The following FRMD4B variants were observed in gnomAD, a reference collection of about 807,000 sequenced individuals.
FRMD4B encodes FERM domain-containing protein 4B.
A neutral mutation model predicts 141.5 loss-of-function variants in FRMD4B; 74 were observed. The observed-to-expected ratio is 0.52, with a 90% CI of 0.43 to 0.63. The LOEUF (loss-of-function observed/expected upper bound fraction) is 0.63. FRMD4B is among the 30% of genes least tolerant of loss of function. The pLI, the probability that FRMD4B is intolerant of heterozygous loss-of-function variation, is 0.00. For synonymous variants in FRMD4B, 506 were observed against 467.9 expected (o/e 1.08, Z -1.05); for missense variants, 1,366 against 1,253.4 (o/e 1.09, Z -1.36).
intron 1 of FRMD4B, among the ~76,000 whole-genome samples, chr3:69,481,140 A>G (rs1428924648): frequency 1.3e-5 from 2 of 151,972 alleles, no homozygotes; most frequent in African/African-American, 4.8e-5. Context: ...AGGAAAGGGA[A>G]CTCCCTGATC....
intron 7 of FRMD4B, among the ~76,000 whole-genome samples, chr3:69,247,021 A>C (rs1392728019): frequency 6.6e-6 from 1 of 152,210 alleles, no homozygotes; most frequent in Non-Finnish European, 1.5e-5. Context: ...ACTATAGGTT[A>C]TTACAGCTTC....
intron 3 of FRMD4B, among the ~76,000 whole-genome samples, chr3:69,302,843 C>T (rs181616504): frequency 2.0e-5 from 3 of 152,022 alleles, no homozygotes; most frequent in Non-Finnish European, 4.4e-5. Context: ...GAGGCCGAGG[C>T]GGGCAGATCA....
At chr3:69,450,784 A>T (rs752264667) in intron 1 of FRMD4B, among the ~76,000 whole-genome samples, 16 of 67,648 alleles carry the variant, frequency 2.4e-4, no homozygotes, top group Non-Finnish European at 3.2e-5. Flanking sequence ...ACAAAACCCC[A>T]ACAACAAAAC....
chr3:69,207,189 T>G (rs1245382743), intron 11 of FRMD4B, among the ~76,000 whole-genome samples: 1 of 151,846 alleles, frequency 6.6e-6, no homozygotes, highest in Non-Finnish European at 1.5e-5. Flanking sequence ...CCTATAGTCC[T>G]AGCTACTTGA....
intron 1 of FRMD4B, among the ~76,000 whole-genome samples, chr3:69,322,514 T>G (rs1316237086): frequency 6.6e-6 from 1 of 151,996 alleles, no homozygotes; most frequent in African/African-American, 2.4e-5. Flanking sequence ...GAGTATGGAG[T>G]GCTTCACATG....
At chr3:69,454,899 G>A (rs1705565310) in intron 1 of FRMD4B, among the ~76,000 whole-genome samples, 1 of 152,260 alleles carries the variant, frequency 6.6e-6, no homozygotes, top group Non-Finnish European at 1.5e-5. Context: ...CCTAAATCGG[G>A]TGGGGACTTG....
intron 1 of FRMD4B, chr3:69,542,148 G>A (rs111974639): frequency 1.3e-5 from 2 of 151,920 alleles, no homozygotes; most frequent in Non-Finnish European, 2.9e-5. Context: ...CCGTGGCCGC[G>A]TCTTGCGGCC....
chr3:69,455,177 G>A lies in FRMD4B; in HGVS notation c.-128-22416C>T, dbSNP rs557501139. 5.3e-4 allele frequency among the ~76,000 whole-genome samples: 81 copies of A among 152,270 alleles called. 1 individual carries two copies. The highest frequency in any genetic ancestry group is 3.4e-3 in the Admixed American group (52 of 15,298). On this transcript the variant is annotated intron_variant, in intron 1 of 5. Coordinates refer to the FRMD4B transcript ENST00000459638. Reference sequence around the variant, plus strand: ...CAGACCAATCAGCTCTCTGTAAAATGGACCAATCAGCTCCCTGTAAAATGG... The same window carrying A: ...CAGACCAATCAGCTCTCTGTAAAATAGACCAATCAGCTCCCTGTAAAATGG...
At chr3:69,244,552 G>C (rs1050354213) in intron 7 of FRMD4B, among the ~76,000 whole-genome samples, 1 of 152,120 alleles carries the variant, frequency 6.6e-6, no homozygotes, top group African/African-American at 2.4e-5. Context: ...AGAATCTCTT[G>C]AACCCAGGAG....
intron 1 of FRMD4B, among the ~76,000 whole-genome samples, chr3:69,379,839 A>G (rs1704068769): frequency 6.6e-6 from 1 of 152,232 alleles, no homozygotes; most frequent in Admixed American, 6.5e-5. Flanking sequence ...GCTGTAGACA[A>G]CATGTAATGG....
At chr3:69,444,297 G>A (rs1705382365) in intron 1 of FRMD4B, among the ~76,000 whole-genome samples, 1 of 152,160 alleles carries the variant, frequency 6.6e-6, no homozygotes, top group Non-Finnish European at 1.5e-5. Flanking sequence ...TGTGCAGCGG[G>A]CAAGAAGAAC....
chr3:69,461,846 C>T (rs1432484958), intron 1 of FRMD4B, among the ~76,000 whole-genome samples: 1 of 152,100 alleles, frequency 6.6e-6, no homozygotes, highest in Non-Finnish European at 1.5e-5. Context: ...GAGTAATTAA[C>T]AGAGTGCCAC....
chr3:69,298,630 T>C (rs1440340515), intron 4 of FRMD4B, among the ~76,000 whole-genome samples: 1 of 152,218 alleles, frequency 6.6e-6, no homozygotes, highest in Non-Finnish European at 1.5e-5. Context: ...AGGCATGCTC[T>C]TGCCAACCTT....
At chr3:69,380,624 T>C (rs1356091312) in intron 1 of FRMD4B, among the ~76,000 whole-genome samples, 1 of 152,202 alleles carries the variant, frequency 6.6e-6, no homozygotes, top group Non-Finnish European at 1.5e-5. Context: ...CGAGGTCAAA[T>C]TTGCTCAAGT....
At chr3:69,282,179 G>C (rs1326093193) in intron 5 of FRMD4B, among the ~76,000 whole-genome samples, 1 of 152,126 alleles carries the variant, frequency 6.6e-6, no homozygotes, top group African/African-American at 2.4e-5. Context: ...GGTTTTATCA[G>C]TATTTGCAAA....
Position 69,252,893 on chromosome 3 carries a change from C to A in FRMD4B, c.502-2794G>T, listed in dbSNP as rs372792486. Among the ~76,000 whole-genome samples, 3 of 152,148 alleles carry A rather than the reference C, an allele frequency of 2.0e-5. No individual in the cohort carries two copies. In the South Asian group the frequency reaches 6.2e-4, roughly 32 times the overall value. ...GACTGTCATGGATAAAAAAAGAGAA[C>A]CAGAGAAGTGAGTCAGATGATGTGG... On this transcript the variant is annotated intron_variant, in intron 5 of 22. Coordinates refer to ENST00000398540, the MANE Select transcript of FRMD4B (RefSeq NM_015123.3).
Position 69,181,074 on chromosome 3 carries a change from C to T in FRMD4B, c.2676G>A (p.Lys892=), listed in dbSNP as rs1433129235. 1 of 1,613,996 alleles carries T rather than the reference C, an allele frequency of 6.2e-7. No homozygotes were observed. Among genetic ancestry groups the T allele is most frequent in the East Asian group, 2.2e-5 (1 of 44,878 alleles). ...KSEHITKNIH[K]ALVAEHLRGW... ...CACGCAAGTGCTCGGCAACTAAGGCCTTGTGGATGTTTTTGGTGATGTGCT... is the reference window on the plus strand; with the variant it reads ...CACGCAAGTGCTCGGCAACTAAGGCTTTGTGGATGTTTTTGGTGATGTGCT... Residue 892 remains lysine, a synonymous_variant, in exon 21 of 23, where the codon AAG becomes AAA. Transcript: ENST00000398540.
At chr3:69,367,455 A>C (rs1215373408) in intron 1 of FRMD4B, among the ~76,000 whole-genome samples, 1 of 152,174 alleles carries the variant, frequency 6.6e-6, no homozygotes, top group South Asian at 2.1e-4. Context: ...ACATACATAC[A>C]TATATACATA....
intron 1 of FRMD4B, among the ~76,000 whole-genome samples, chr3:69,317,709 C>T (rs1043232605): frequency 2.1e-4 from 27 of 127,646 alleles, no homozygotes; most frequent in Non-Finnish European, 3.3e-4. Flanking sequence ...GAGCCAAGAT[C>T]GTGCCACTGC....
Sources: allele counts gnomAD v4.1 joint callset (sites outside exome capture counted in the v4.1 genomes callset), GRCh38; gene constraint gnomAD v4.1.1; transcripts MANE v1.5; gene names NCBI Gene and HGNC (gene_info 2026-07-23, HGNC 2026-07-21).